The following FAM193A variants were observed in gnomAD, a reference collection of about 807,000 sequenced individuals.
FAM193A encodes the protein protein FAM193A.
FAM193A carries 22 observed loss-of-function variants against 126.5 expected under a neutral mutation model. That is an observed-to-expected ratio of 0.17 (90% CI 0.12 to 0.25). FAM193A has a LOEUF of 0.25. Among genes scored for constraint, FAM193A ranks in the 10% least tolerant of loss-of-function variants. The pLI is 1.00. For missense variants in FAM193A, 1,675 were observed against 1,672.8 expected, an observed-to-expected ratio of 1.00 and a Z score of -0.02; for synonymous variants, 761 against 646.8, an observed-to-expected ratio of 1.18 and a Z score of -2.68.
chr4:2,708,917 T>G (rs232708), intron 19 of FAM193A, among the ~76,000 whole-genome samples: 38,280 of 152,148 alleles, frequency 0.25, 5,268 homozygotes, highest in Middle Eastern at 0.38. Context: ...CTAATTGTTG[T>G]CTTTTACTTA....
intron 2 of FAM193A, among the ~76,000 whole-genome samples, chr4:2,621,597 A>C (rs946605254): frequency 6.6e-6 from 1 of 152,158 alleles, no homozygotes; most frequent in Non-Finnish European, 1.5e-5. Flanking sequence ...TGCTGCTTGG[A>C]GAATGGATGA....
intron 2 of FAM193A, among the ~76,000 whole-genome samples, chr4:2,604,791 C>CTTTTTTTTTTTTTTT (rs869148370): frequency 2.0e-5 from 2 of 99,640 alleles, no homozygotes; most frequent in Non-Finnish European, 3.9e-5. Context: ...TTTCTTTTTC[C>CTTTTTTTTTTTTTTT]TTTTTTTTTT....
At chr4:2,546,936 T>A (rs1737598276) in intron 1 of FAM193A, among the ~76,000 whole-genome samples, 1 of 152,140 alleles carries the variant, frequency 6.6e-6, no homozygotes, top group South Asian at 2.1e-4. Context: ...GTGGTTTTTG[T>A]TTACACTATT....
intron 7 of FAM193A, among the ~76,000 whole-genome samples, chr4:2,657,199 C>G (rs1008737772): frequency 4.0e-5 from 6 of 150,982 alleles, no homozygotes; most frequent in Non-Finnish European, 8.9e-5. Context: ...TCATATGTAC[C>G]CATATCCTTT....
chr4:2,702,149 CAT>C (rs1202112037), intron 19 of FAM193A, among the ~76,000 whole-genome samples: 1 of 152,154 alleles, frequency 6.6e-6, no homozygotes, highest in East Asian at 1.9e-4. Context: ...TTTCCAACCT[CAT>C]GTGTTTTTTT....
intron 1 of FAM193A, among the ~76,000 whole-genome samples, chr4:2,565,478 G>A (rs548814001): frequency 6.6e-6 from 1 of 151,804 alleles, no homozygotes; most frequent in East Asian, 1.9e-4. Flanking sequence ...GGATGTTCTC[G>A]ATCTCTGGAC....
chr4:2,694,351 C>T (rs907757488), intron 16 of FAM193A, among the ~76,000 whole-genome samples: 1 of 152,000 alleles, frequency 6.6e-6, no homozygotes, highest in African/African-American at 2.4e-5. Context: ...CTCACTGCAA[C>T]CTCCACCTCC....
At chr4:2,681,870 A>C (rs1389277695) in intron 13 of FAM193A, among the ~76,000 whole-genome samples, 1 of 144,310 alleles carries the variant, frequency 6.9e-6, no homozygotes, top group African/African-American at 2.6e-5. Flanking sequence ...TCAGTATGTT[A>C]TGTTTTTGTT....
intron 1 of FAM193A, among the ~76,000 whole-genome samples, chr4:2,538,738 T>A (rs894648562): frequency 2.0e-5 from 3 of 151,978 alleles, no homozygotes; most frequent in African/African-American, 4.8e-5. Context: ...TAATTTTTGG[T>A]GTAGCTGGAT....
intron 1 of FAM193A, among the ~76,000 whole-genome samples, chr4:2,584,445 C>G (rs1274672367): frequency 2.0e-5 from 3 of 150,248 alleles, no homozygotes; most frequent in Non-Finnish European, 4.4e-5. Flanking sequence ...AAAAAAACAC[C>G]CATCTCTAAA....
intron 19 of FAM193A, among the ~76,000 whole-genome samples, chr4:2,705,603 A>AGTGGG (rs1718213640): frequency 6.6e-6 from 1 of 150,948 alleles, no homozygotes; most frequent in South Asian, 2.1e-4. Context: ...TTTTTTGGGA[A>AGTGGG]GTGGGGTATA....
chr4:2,593,243 G>C (rs1000800853), intron 1 of FAM193A, among the ~76,000 whole-genome samples: 2 of 152,080 alleles, frequency 1.3e-5, no homozygotes, highest in East Asian at 1.9e-4. Flanking sequence ...CTGCTGTCTG[G>C]CTCCTGAACT....
chr4:2,684,987 A>G (rs1715572644), intron 13 of FAM193A, among the ~76,000 whole-genome samples: 1 of 152,220 alleles, frequency 6.6e-6, no homozygotes, highest in African/African-American at 2.4e-5. Context: ...TAACGACTAC[A>G]GGGCCTGAAT....
intron 19 of FAM193A, 145 bp downstream of exon 19, chr4:2,700,689 G>C (rs982311968): frequency 2.0e-6 from 2 of 998,950 alleles, no homozygotes; most frequent in African/African-American, 1.6e-5. Context: ...GGCCAGGCAT[G>C]GTGGCTCACA....
In FAM193A at chr4:2,690,987, C is replaced by T. The variant is rs907247161; in HGVS notation, c.2803+17C>T. 8 of 1,602,098 alleles carry T rather than the reference C, an allele frequency of 5.0e-6. No homozygotes were observed. Among genetic ancestry groups the T allele is most frequent in the African/African-American group, 4.0e-5 (3 of 74,610 alleles). ...CTTCAGTAGGTAAGGCTTGAAGGCTCACTGGCCCTCGGGGTCTGCAGGAAG... is the reference window on the plus strand; with the variant it reads ...CTTCAGTAGGTAAGGCTTGAAGGCTTACTGGCCCTCGGGGTCTGCAGGAAG... On this transcript the variant is annotated intron_variant, in intron 15 of 20. Transcript: ENST00000637812.
chr4:2,564,761 G>A (rs1040299082), intron 1 of FAM193A, among the ~76,000 whole-genome samples: 1 of 152,042 alleles, frequency 6.6e-6, no homozygotes, highest in Admixed American at 6.6e-5. Context: ...ATGATGGTGT[G>A]GGGGTTTGCT....
intron 2 of FAM193A, among the ~76,000 whole-genome samples, chr4:2,599,462 G>T (rs533541558): frequency 4.5e-4 from 68 of 152,278 alleles, no homozygotes; most frequent in African/African-American, 1.6e-3. Flanking sequence ...GCAGCTTTCT[G>T]CATCCAGAGG....
chr4:2,605,723 G>C (rs1396729576), intron 2 of FAM193A, among the ~76,000 whole-genome samples: 1 of 152,120 alleles, frequency 6.6e-6, no homozygotes, highest in African/African-American at 2.4e-5. Context: ...TGTAATCCCA[G>C]CACTTTGGGA....
chr4:2,608,041 G>A, intron 2 of FAM193A: 1 of 1,607,938 alleles, frequency 6.2e-7, no homozygotes, highest in East Asian at 2.2e-5. Context: ...ACGTCCGGGT[G>A]TGCAGCATAA....
Sources: allele counts gnomAD v4.1 joint callset (sites outside exome capture counted in the v4.1 genomes callset), GRCh38; gene constraint gnomAD v4.1.1; transcripts MANE v1.5; gene names NCBI Gene and HGNC (gene_info 2026-07-23, HGNC 2026-07-21).